Variants in CNTNAP2 observed in about 807,000 individuals in gnomAD.
CNTNAP2 encodes contactin associated protein 2.
A neutral mutation model predicts 155.2 loss-of-function variants in CNTNAP2; 98 were observed. The ratio of observed to expected loss-of-function variants is 0.63; its 90% confidence interval spans 0.54 to 0.75. The LOEUF (loss-of-function observed/expected upper bound fraction) is 0.75, where lower values mean the gene tolerates loss of function less well. CNTNAP2 is among the 30% of genes least tolerant of loss of function. CNTNAP2 has a pLI of 0.00. For missense variants in CNTNAP2, 1,727 were observed against 1,688.1 expected (o/e 1.02, Z -0.40); for synonymous variants, 651 against 631.2 (o/e 1.03, Z -0.47).
chr7:146,377,961 CT>C (rs892300982), intron 1 of CNTNAP2, among the ~76,000 whole-genome samples: 2 of 152,170 alleles, frequency 1.3e-5, no homozygotes, highest in Non-Finnish European at 2.9e-5. Context: ...ATCCACAATT[CT>C]TATGTTACTA....
chr7:147,817,904 C>CAA (rs56695268), intron 13 of CNTNAP2, among the ~76,000 whole-genome samples: 4,407 of 95,454 alleles, frequency 0.046, 145 homozygotes, highest in East Asian at 0.2. Context: ...GACTCTGTCT[C>CAA]AAAAAAAAAA....
In CNTNAP2 at chr7:147,108,939, G is replaced by C. The variant is rs371949208; in HGVS notation, c.754+589G>C. ...AAAAGCACGCTCAAGAAGCAGGAAGGATGCCGCCGTGCATAAATGCTGTGA... is the reference window on the plus strand; with the variant it reads ...AAAAGCACGCTCAAGAAGCAGGAAGCATGCCGCCGTGCATAAATGCTGTGA... On this transcript the variant is annotated intron_variant, in intron 5 of 23. Coordinates refer to ENST00000361727, the MANE Select transcript of CNTNAP2 (RefSeq NM_014141.6). Among the ~76,000 whole-genome samples, 24 of 152,268 alleles carry C rather than the reference G, an allele frequency of 1.6e-4. 1 individual carries two copies. In the East Asian group the frequency reaches 4.3e-3, roughly 27 times the overall value.
At chr7:146,343,080 G>GTT (rs959193376) in intron 1 of CNTNAP2, among the ~76,000 whole-genome samples, 1 of 145,228 alleles carries the variant, frequency 6.9e-6, no homozygotes, top group African/African-American at 2.6e-5. Context: ...AAAGAAGGTT[G>GTT]TTTTTTTTTT....
chr7:146,758,153 C>T (rs76430225), intron 1 of CNTNAP2, among the ~76,000 whole-genome samples: 187 of 152,314 alleles, frequency 1.2e-3, no homozygotes, highest in African/African-American at 3.7e-3. Flanking sequence ...AGCACACTTT[C>T]AATCACTTTT....
chr7:148,033,183 C>T (rs149588343), intron 15 of CNTNAP2, among the ~76,000 whole-genome samples: 1,819 of 152,188 alleles, frequency 0.012, 33 homozygotes, highest in African/African-American at 0.041. Context: ...CTTCCTCTTC[C>T]ATCTCATTGC....
At chr7:148,408,914 T>G (rs140974762) in intron 22 of CNTNAP2, among the ~76,000 whole-genome samples, 1,760 of 152,360 alleles carry the variant, frequency 0.012, 35 homozygotes, top group African/African-American at 0.04. Context: ...AGTGTGCCAG[T>G]GTCTTATTAC....
At chr7:147,855,108 C>T (rs576028562) in intron 13 of CNTNAP2, among the ~76,000 whole-genome samples, 8 of 152,150 alleles carry the variant, frequency 5.3e-5, no homozygotes, top group East Asian at 1.9e-4. Context: ...ATTACATATG[C>T]GGCTCACATT....
intron 18 of CNTNAP2, among the ~76,000 whole-genome samples, chr7:148,175,687 G>A (rs1409910965): frequency 6.6e-6 from 1 of 152,058 alleles, no homozygotes; most frequent in Non-Finnish European, 1.5e-5. Flanking sequence ...GGACAGGCTT[G>A]GGACCCAAAA....
intron 1 of CNTNAP2, among the ~76,000 whole-genome samples, chr7:146,277,721 T>C (rs1441684043): frequency 6.6e-6 from 1 of 152,056 alleles, no homozygotes; most frequent in Non-Finnish European, 1.5e-5. Flanking sequence ...AAATAGAAAA[T>C]TGCAATATAA....
At chr7:147,022,469 A>G (rs1263153251) in intron 3 of CNTNAP2, among the ~76,000 whole-genome samples, 3 of 152,150 alleles carry the variant, frequency 2.0e-5, no homozygotes, top group African/African-American at 7.2e-5. Flanking sequence ...ATCTACAAAC[A>G]TAATACCTAA....
At chr7:146,803,587 C>A (rs1802918304) in intron 2 of CNTNAP2, among the ~76,000 whole-genome samples, 1 of 152,158 alleles carries the variant, frequency 6.6e-6, no homozygotes, top group Non-Finnish European at 1.5e-5. Flanking sequence ...CAGAAGCGAT[C>A]TGTGCCTACA....
chr7:146,384,828 T>A (rs959022426), intron 1 of CNTNAP2, among the ~76,000 whole-genome samples: 1 of 152,190 alleles, frequency 6.6e-6, no homozygotes. Flanking sequence ...GTTAGTCTTT[T>A]TTCGATGTAA....
chr7:146,193,000 G>A lies in CNTNAP2; in HGVS notation c.97+76027G>A, dbSNP rs964405946. ...GTGAAGCAAATCCAAAATCCAGAGA[G>A]GCAGTCAAATCTTAAAGCTCCAAAA... On this transcript the variant is annotated intron_variant, in intron 1 of 23. Transcript: ENST00000361727. Among the ~76,000 whole-genome samples, 4 of 152,284 alleles carry A rather than the reference G, an allele frequency of 2.6e-5. No homozygotes were observed. In the East Asian group the frequency reaches 5.8e-4, roughly 22 times the overall value.
chr7:147,817,747 C>CA (rs1029178078), intron 13 of CNTNAP2, among the ~76,000 whole-genome samples: 10 of 151,042 alleles, frequency 6.6e-5, no homozygotes, highest in Non-Finnish European at 1.3e-4. Context: ...ACTAAAAATA[C>CA]AAAAAAAATT....
intron 11 of CNTNAP2, among the ~76,000 whole-genome samples, chr7:147,526,207 AAGG>A (rs1167099299): frequency 8.6e-5 from 13 of 151,910 alleles, no homozygotes; most frequent in African/African-American, 3.1e-4. Flanking sequence ...AAAAAAAAAA[AAGG>A]AAAAGAAAAT....
intron 15 of CNTNAP2, among the ~76,000 whole-genome samples, chr7:148,015,751 A>G (rs544130555): frequency 1.2e-3 from 185 of 152,346 alleles, no homozygotes; most frequent in South Asian, 7.5e-3. Context: ...CCTTAATGCC[A>G]GTAAGAAAAT....
chr7:147,639,161 C>T lies in CNTNAP2; in HGVS notation c.1953C>T (p.Val651=), dbSNP rs749504617. 36 of 1,613,958 alleles carry T rather than the reference C, an allele frequency of 2.2e-5. No individual in the cohort carries two copies. The highest frequency in any genetic ancestry group is 4.5e-5 in the East Asian group (2 of 44,864). Residue 651 remains valine (V), a synonymous_variant, in exon 13 of 24, where the codon GTC becomes GTT. Transcript: ENST00000361727. ...SHDLQMQTPV[V]GYNPEKYSVT... ...ACTTGCAGATGCAGACGCCTGTGGT[C>T]GGCTACAACCCAGAAAAATACTCAG...
chr7:146,434,044 A>T (rs1016440307), intron 1 of CNTNAP2, among the ~76,000 whole-genome samples: 5 of 152,086 alleles, frequency 3.3e-5, no homozygotes, highest in African/African-American at 1.2e-4. Flanking sequence ...TTCAGACTGC[A>T]TTTTTACAGA....
intron 1 of CNTNAP2, among the ~76,000 whole-genome samples, chr7:146,423,323 G>C (rs1048120738): frequency 6.6e-6 from 1 of 151,832 alleles, no homozygotes; most frequent in African/African-American, 2.4e-5. Context: ...TAGCTGTTTT[G>C]TTCATATTTA....
Sources: allele counts gnomAD v4.1 joint callset (sites outside exome capture counted in the v4.1 genomes callset), GRCh38; gene constraint gnomAD v4.1.1; transcripts MANE v1.5; gene names NCBI Gene and HGNC (gene_info 2026-07-23, HGNC 2026-07-21).